The following COPS3 variants were observed in gnomAD, a reference collection of about 807,000 sequenced individuals.
COPS3 encodes the protein COP9 signalosome complex subunit 3.
Under a neutral mutation model 58.2 loss-of-function variants are expected in COPS3, and 10 were observed. The observed-to-expected ratio is 0.17, with a 90% CI of 0.11 to 0.29. COPS3 has a LOEUF of 0.29. Ranked by LOEUF, COPS3 falls within the 10% of genes least tolerant of loss-of-function variation. The pLI is 1.00. For synonymous variants in COPS3, 187 were observed against 181.7 expected, an observed-to-expected ratio of 1.03 and a Z score of -0.24; for missense variants, 333 against 510.1, an observed-to-expected ratio of 0.65 and a Z score of 3.34.
Position 17,249,045 on chromosome 17 carries a change from G to GA in COPS3, c.1024-7dup, listed in dbSNP as rs747840057. 8.1e-6 allele frequency: 12 copies of GA among 1,480,446 alleles called. No homozygotes were observed. Among genetic ancestry groups the GA allele is most frequent in the East Asian group, 4.7e-5 (2 of 42,770 alleles). 91.7% of individuals were successfully genotyped at this position (1,480,446 alleles called of 1,614,324 possible). A position where few individuals can be genotyped will look rare whatever the true frequency, so the allele number is the denominator to read the frequency against. On this transcript the variant is annotated splice_polypyrimidine_tract_variant and splice_region_variant and intron_variant, in intron 9 of 11. Coordinates refer to ENST00000268717, the MANE Select transcript of COPS3 (RefSeq NM_003653.4). ...AAAATCTCACCATCTTCTATCTGCA[G>GA]AAAGAAAAAAAAAAAAATCAGGAAA... is the stretch of plus-strand genomic sequence containing the variant.
intron 6 of COPS3, 65 bp from the exon 7 acceptor site, chr17:17,262,171 CAT>C: frequency 7.2e-7 from 1 of 1,385,638 alleles, no homozygotes; most frequent in Non-Finnish European, 9.9e-7. Flanking sequence ...CAATCAACCA[CAT>C]GTATCACATT....
chr17:17,277,187 G>A (rs888024105), intron 1 of COPS3, among the ~76,000 whole-genome samples: 22 of 152,072 alleles, frequency 1.4e-4, no homozygotes, highest in African/African-American at 4.6e-4. Flanking sequence ...ATCAACTTGT[G>A]GCGTCTCTAG....
At chr17:17,250,200 G>C (rs1486126579) in intron 9 of COPS3, among the ~76,000 whole-genome samples, 1 of 151,388 alleles carries the variant, frequency 6.6e-6, no homozygotes, top group East Asian at 1.9e-4. Flanking sequence ...TGATGTATTT[G>C]AGGTGCCCTT....
At chr17:17,247,582 A>G in intron 10 of COPS3, 22 bp from the exon 11 acceptor site, 1 of 1,613,792 alleles carries the variant, frequency 6.2e-7, no homozygotes, top group Non-Finnish European at 8.5e-7. Flanking sequence ...GCACATTAGA[A>G]GGTGGTCAGC....
At position 17,254,986 on chromosome 17, in the gene COPS3, G is replaced by A. The variant is rs180952638; in HGVS notation, c.937-41C>T. On this transcript the variant is annotated intron_variant, in intron 8 of 11. Transcript: ENST00000268717. ...AGAATTAGTCACAGGTAGGAACAAC[G>A]AAGGAAGGACATTTTATTAAATGTG... 2,943 of 1,384,720 alleles carry A rather than the reference G, an allele frequency of 2.1e-3. 13 individuals are homozygous for A. The Middle Eastern group carries it at 0.024, about 11-fold the overall frequency. 85.8% of individuals were successfully genotyped at this position (1,384,720 alleles called of 1,614,324 possible).
chr17:17,267,155 G>A (rs1392671093), intron 5 of COPS3, among the ~76,000 whole-genome samples: 1 of 151,578 alleles, frequency 6.6e-6, no homozygotes, highest in Non-Finnish European at 1.5e-5. Flanking sequence ...GGCTAACACA[G>A]TAAAACCCCG....
rs1433137222 is a variant in COPS3 at position 17,260,300 on chromosome 17, C to T, written c.936+1G>A. On this transcript the variant is annotated splice_donor_variant, in intron 8 of 11. Coordinates refer to ENST00000268717, the MANE Select transcript of COPS3 (RefSeq NM_003653.4). LOFTEE classifies it high-confidence loss of function. Reference sequence around the variant, plus strand: ...CCCTGTGAAGGTGGCACTTTCCTCACCTTTGTTAGCCTCTGAATATTCTTC... The same window carrying T: ...CCCTGTGAAGGTGGCACTTTCCTCATCTTTGTTAGCCTCTGAATATTCTTC... 6.2e-7 allele frequency: 1 copy of T among 1,613,556 alleles called. No individual in the cohort carries two copies. The highest frequency in any genetic ancestry group is 8.5e-7 in the Non-Finnish European group (1 of 1,179,592).
intron 11 of COPS3, 50 bp from the exon 12 acceptor site, chr17:17,247,201 T>C: frequency 6.4e-7 from 1 of 1,568,726 alleles, no homozygotes; most frequent in Middle Eastern, 1.7e-4. Flanking sequence ...TTATCAAGGG[T>C]TCCCCGGCAG....
At chr17:17,248,049 G>A (rs1185546913) in intron 10 of COPS3, among the ~76,000 whole-genome samples, 1 of 152,144 alleles carries the variant, frequency 6.6e-6, no homozygotes, top group East Asian at 1.9e-4. Flanking sequence ...CCAGGCTGTT[G>A]CCTAAAGGGG....
chr17:17,266,076 T>A (rs76377749), intron 5 of COPS3, among the ~76,000 whole-genome samples: 21,863 of 152,206 alleles, frequency 0.14, 1,633 homozygotes, highest in South Asian at 0.22. Flanking sequence ...ACAATTTTTT[T>A]AAAACATTAA....
chr17:17,260,717 C>T (rs890155767), intron 7 of COPS3: 15 of 259,394 alleles, frequency 5.8e-5, no homozygotes, highest in Non-Finnish European at 7.5e-5. Context: ...GCAAGAGAAT[C>T]GCTTGAACCC....
Position 17,271,011 on chromosome 17 carries a change from A to G in COPS3, c.186-3T>C. 1 of 1,597,252 alleles carries G rather than the reference A, an allele frequency of 6.3e-7. No homozygotes were observed. The highest frequency in any genetic ancestry group is 1.3e-5 in the African/African-American group (1 of 74,712). The stretch of plus-strand genomic sequence containing the variant: ...TGGGCATAGAAAACTTCACAAACCT[A>G]GAATAAGGAGAAAAGAATCAAATTA... On this transcript the variant is annotated splice_region_variant and splice_polypyrimidine_tract_variant and intron_variant, in intron 2 of 11. Coordinates refer to ENST00000268717, the MANE Select transcript of COPS3 (RefSeq NM_003653.4).
rs12451204 is a variant in COPS3, at chr17:17,272,983, T to C, written c.186-1975A>G. On this transcript the variant is annotated intron_variant, in intron 2 of 11. Coordinates refer to ENST00000268717, the MANE Select transcript of COPS3 (RefSeq NM_003653.4). ...CAAATTTAAGCTATTTAAGACCAAA[T>C]TAAATAGACCTTATTTTAATTGGGG... 6.6e-3 allele frequency among the ~76,000 whole-genome samples: 1,008 copies of C among 152,362 alleles called. 46 individuals carry two copies. The highest frequency in any genetic ancestry group is 0.058 in the Admixed American group (889 of 15,298).
chr17:17,280,982 GC>G, intron 1 of COPS3, 149 bp downstream of exon 1: 1 of 987,410 alleles, frequency 1.0e-6, no homozygotes. Flanking sequence ...GCTCGATCCT[GC>G]CCTGATCTAA....
intron 9 of COPS3, among the ~76,000 whole-genome samples, chr17:17,254,427 G>A (rs1189119677): frequency 2.6e-5 from 4 of 152,000 alleles, no homozygotes; most frequent in Non-Finnish European, 5.9e-5. Flanking sequence ...GACTTTGGAG[G>A]CTCCCCCCGC....
chr17:17,270,776 T>G lies in COPS3; in HGVS notation c.330A>C (p.Ala110=). ...TTCTTACCTGTTTTCTTTCCACAAG[T>G]GCATTTGTTAGCTGATGGCAAAGCC... ...FAGLCHQLTN[A]LVERKQPLRG... Residue 110 remains alanine, a synonymous_variant, in exon 4 of 12, where the codon GCA becomes GCC. Transcript: ENST00000268717. The G allele has an allele frequency of 1.3e-6, 2 of 1,597,040 alleles. No homozygotes were observed. The highest frequency in any genetic ancestry group is 1.7e-6 in the Non-Finnish European group (2 of 1,170,028).
chr17:17,264,949 G>C lies in COPS3; in HGVS notation c.474C>G (p.Ala158=). The C allele has an allele frequency of 6.2e-7, 1 of 1,612,900 alleles. No individual in the cohort carries two copies. The change falls in exon 6 of 12, where the codon GCC becomes GCG. Residue 158 remains alanine (A), a synonymous_variant. Transcript: ENST00000268717. ...LCLLAKCFKP[A]LPYLDVDMMD... is the part of the protein sequence containing the mutation. ...TCATATCCACGTCAAGATATGGAAG[G>C]GCAGGCTTAAAGCATTTTGCTAGCA...
chr17:17,278,615 T>G (rs1462470427), intron 1 of COPS3, among the ~76,000 whole-genome samples: 1 of 152,234 alleles, frequency 6.6e-6, no homozygotes, highest in Non-Finnish European at 1.5e-5. Context: ...TCTAGTTGAA[T>G]AATTTGCCTT....
chr17:17,276,567 T>G (rs1427772083), intron 1 of COPS3, among the ~76,000 whole-genome samples: 2 of 151,426 alleles, frequency 1.3e-5, no homozygotes, highest in Non-Finnish European at 2.9e-5. Context: ...TTGTCTGGAC[T>G]ACATCTTTTT....
Sources: allele counts gnomAD v4.1 joint callset (sites outside exome capture counted in the v4.1 genomes callset), GRCh38; gene constraint gnomAD v4.1.1; transcripts MANE v1.5; gene names NCBI Gene and HGNC (gene_info 2026-07-23, HGNC 2026-07-21).